The following ALDH1L1 variants were observed in gnomAD, a reference collection of about 807,000 sequenced individuals.
ALDH1L1 encodes aldehyde dehydrogenase 1 family member L1.
In ALDH1L1, 68 loss-of-function variants were observed where a neutral mutation model predicts 101.1. The ratio of observed to expected loss-of-function variants is 0.67; its 90% confidence interval spans 0.55 to 0.82. The LOEUF (loss-of-function observed/expected upper bound fraction) is 0.82, where lower values mean the gene tolerates loss of function less well. Ranked by LOEUF, ALDH1L1 falls within the 40% of genes least tolerant of loss-of-function variation. The probability of loss-of-function intolerance (pLI) is 0.00; values close to 1 mark genes in which losing one functional copy is unlikely to be tolerated. For synonymous variants in ALDH1L1, 486 were observed against 470.8 expected, an observed-to-expected ratio of 1.03 and a Z score of -0.42; for missense variants, 1,087 against 1,172.7, an observed-to-expected ratio of 0.93 and a Z score of 1.07.
intron 9 of ALDH1L1, among the ~76,000 whole-genome samples, chr3:126,143,179 G>T (rs1197115381): frequency 6.6e-6 from 1 of 152,172 alleles, no homozygotes; most frequent in East Asian, 1.9e-4. Flanking sequence ...AATTTTGTAA[G>T]GGTACACAAA....
intron 1 of ALDH1L1, among the ~76,000 whole-genome samples, chr3:126,174,740 T>G (rs1008629637): frequency 5.3e-5 from 8 of 152,200 alleles, no homozygotes; most frequent in Admixed American, 3.3e-4. Flanking sequence ...ATTTATGGGA[T>G]GCTGCTAAAG....
chr3:126,126,854 G>C (rs553084826), intron 14 of ALDH1L1, among the ~76,000 whole-genome samples: 1 of 152,302 alleles, frequency 6.6e-6, no homozygotes, highest in Admixed American at 6.5e-5. Flanking sequence ...CACTGGGGTG[G>C]GCGGGCCCCT....
chr3:126,196,777 G>C (rs1171098782), intron 1 of ALDH1L1, among the ~76,000 whole-genome samples: 1 of 152,178 alleles, frequency 6.6e-6, no homozygotes. Flanking sequence ...ATCAGGAAGT[G>C]GTAAAAGTCA....
At position 126,103,571 on chromosome 3, in the gene ALDH1L1, C is replaced by A; in HGVS notation, c.*220G>T. ...AGAGAAACGCAGAGATGTGGACGGT[C>A]TCTCTTCAGAAGCTTTATTCTCCCT... On this transcript the variant is annotated 3_prime_UTR_variant, in exon 23 of 23. Coordinates refer to ENST00000393434, the MANE Select transcript of ALDH1L1 (RefSeq NM_012190.4). The A allele has an allele frequency of 1.7e-6, 1 of 591,810 alleles. No homozygotes were observed. Among genetic ancestry groups the A allele is most frequent in the Non-Finnish European group, 3.0e-6 (1 of 332,218 alleles). 36.7% of individuals were successfully genotyped at this position (591,810 alleles called of 1,614,324 possible).
chr3:126,175,298 A>G (rs1429395469), intron 1 of ALDH1L1, among the ~76,000 whole-genome samples: 1 of 152,152 alleles, frequency 6.6e-6, no homozygotes. Context: ...TAAACATTTA[A>G]GAAAGAAATT....
At chr3:126,139,257 A>T (rs2080516016) in intron 9 of ALDH1L1, among the ~76,000 whole-genome samples, 1 of 152,260 alleles carries the variant, frequency 6.6e-6, no homozygotes. Flanking sequence ...TGGTAGCCAG[A>T]CATTTATGGA....
chr3:126,179,876 A>C (rs1396320955), intron 1 of ALDH1L1: 1 of 152,176 alleles, frequency 6.6e-6, no homozygotes, highest in Non-Finnish European at 1.5e-5. Flanking sequence ...GGGGTCTGCT[A>C]TCCGGCCTCC....
rs541502420 is a variant in ALDH1L1 at position 126,118,000 on chromosome 3, C to T, written c.1982+5G>A. On this transcript the variant is annotated splice_donor_5th_base_variant and intron_variant, in intron 17 of 22. Coordinates refer to ENST00000393434, the MANE Select transcript of ALDH1L1 (RefSeq NM_012190.4). ...CCCTCCTCTGCTCCACCCCCAGCCACGCACCTTTTCATGATGTGCTTGCCC... is the reference window on the plus strand; with the variant it reads ...CCCTCCTCTGCTCCACCCCCAGCCATGCACCTTTTCATGATGTGCTTGCCC... 33 of 1,612,384 alleles carry T rather than the reference C, an allele frequency of 2.0e-5. No homozygotes were observed. Among genetic ancestry groups the T allele is most frequent in the South Asian group, 3.3e-5 (3 of 90,638 alleles).
intron 1 of ALDH1L1, among the ~76,000 whole-genome samples, chr3:126,191,844 C>T (rs986431468): frequency 6.6e-6 from 1 of 152,128 alleles, no homozygotes; most frequent in Non-Finnish European, 1.5e-5. Context: ...TTAGACCACA[C>T]TTTAGTGGGA....
chr3:126,110,142 G>A (rs202186993), intron 19 of ALDH1L1, 33 bp from the exon 20 acceptor site: 18 of 1,609,436 alleles, frequency 1.1e-5, no homozygotes, highest in Admixed American at 1.7e-5. Context: ...GGTGTGGCTT[G>A]TGCTGCCACA....
chr3:126,112,891 T>C lies in ALDH1L1; in HGVS notation c.2083-11A>G, dbSNP rs375838973. ...AACAGAACTCATCCCCTTCAGAGAA[T>C]GGACAAGAACACCAGGTCACTGCTC... is the stretch of plus-strand genomic sequence containing the variant. On this transcript the variant is annotated splice_polypyrimidine_tract_variant and intron_variant, in intron 18 of 22. Coordinates refer to ENST00000393434, the MANE Select transcript of ALDH1L1 (RefSeq NM_012190.4). 54 of 1,612,016 alleles carry C rather than the reference T, an allele frequency of 3.3e-5. No individual in the cohort carries two copies. The highest frequency in any genetic ancestry group is 1.9e-4 in the South Asian group (17 of 91,078).
chr3:126,158,574 C>G lies in ALDH1L1; in HGVS notation c.193G>C (p.Ala65Pro). The change falls in exon 3 of 23, where the codon GCT becomes CCT. Residue 65 changes from alanine (A) to proline (P), a missense_variant. By Grantham distance (27) the Ala-to-Pro change is conservative. Transcript: ENST00000393434. ...TATTTTGCCACCACATCAGGCAAAG[C>G]CTGTCCTTTTGCACGCCACCGGGAG... Reference protein sequence around the residue: ...KYSRWRAKGQALPDVVAKYQA... With the variant: ...KYSRWRAKGQPLPDVVAKYQA... 2.5e-6 allele frequency: 4 copies of G among 1,614,200 alleles called. No individual in the cohort carries two copies. Among genetic ancestry groups the G allele is most frequent in the South Asian group, 1.1e-5 (1 of 91,084 alleles).
chr3:126,181,443 G>A (rs2081473887), upstream of ALDH1L1: 2 of 212,276 alleles, frequency 9.4e-6, no homozygotes, highest in Admixed American at 9.9e-5. Context: ...GAACACATCA[G>A]GCTTGCTGCA....
intron 9 of ALDH1L1, among the ~76,000 whole-genome samples, chr3:126,139,665 A>C (rs1336464644): frequency 1.3e-5 from 2 of 152,226 alleles, no homozygotes; most frequent in Non-Finnish European, 2.9e-5. Flanking sequence ...CAAAAAACTA[A>C]AGGAAATCAA....
chr3:126,179,182 G>T (rs538421510), intron 1 of ALDH1L1, among the ~76,000 whole-genome samples: 2 of 152,240 alleles, frequency 1.3e-5, no homozygotes, highest in Non-Finnish European at 2.9e-5. Context: ...CCCCAGTCAT[G>T]GCCGCTCAGT....
intron 1 of ALDH1L1, among the ~76,000 whole-genome samples, chr3:126,176,666 A>T (rs2081368928): frequency 6.6e-6 from 1 of 152,190 alleles, no homozygotes; most frequent in Admixed American, 6.5e-5. Context: ...CTTGGATTTG[A>T]CTTTTTAGAT....
intron 9 of ALDH1L1, among the ~76,000 whole-genome samples, chr3:126,144,849 A>G (rs759836801): frequency 6.6e-6 from 1 of 152,232 alleles, no homozygotes; most frequent in Non-Finnish European, 1.5e-5. Context: ...TACAAGTCAT[A>G]TGCATCAAAG....
upstream of ALDH1L1, chr3:126,180,666 G>C (rs182989946): frequency 6.6e-4 from 887 of 1,345,136 alleles, 4 homozygotes; most frequent in East Asian, 0.021. Flanking sequence ...TCAGCCGAGT[G>C]GGGGCGGCGC....
intron 1 of ALDH1L1, among the ~76,000 whole-genome samples, chr3:126,167,294 G>A (rs2081188957): frequency 6.6e-6 from 1 of 152,080 alleles, no homozygotes; most frequent in Non-Finnish European, 1.5e-5. Context: ...TTTTTCTCTT[G>A]GGGTTGTAAG....
Sources: allele counts gnomAD v4.1 joint callset (sites outside exome capture counted in the v4.1 genomes callset), GRCh38; gene constraint gnomAD v4.1.1; transcripts MANE v1.5; gene names NCBI Gene and HGNC (gene_info 2026-07-23, HGNC 2026-07-21).